The following SEC14L1 variants were observed in gnomAD, a reference collection of about 807,000 sequenced individuals.
The protein encoded by SEC14L1 is SEC14 like lipid binding 1.
Under a neutral mutation model 85.3 loss-of-function variants are expected in SEC14L1, and 48 were observed. The ratio of observed to expected loss-of-function variants is 0.56; its 90% confidence interval spans 0.45 to 0.72. The LOEUF is 0.72. Among genes scored for constraint, SEC14L1 ranks in the 30% least tolerant of loss-of-function variants. The pLI is 0.00. For missense variants in SEC14L1, 682 were observed against 921.4 expected (o/e 0.74, Z 3.36); for synonymous variants, 391 against 355.5 (o/e 1.10, Z -1.12).
chr17:77,152,850 T>C (rs542240936), intron 3 of SEC14L1, among the ~76,000 whole-genome samples: 124 of 152,348 alleles, frequency 8.1e-4, no homozygotes, highest in African/African-American at 2.9e-3. Flanking sequence ...TATTTGGTTA[T>C]TATGTTTCTT....
intron 3 of SEC14L1, among the ~76,000 whole-genome samples, chr17:77,132,412 G>A (rs1204225189): frequency 1.1e-4 from 16 of 151,912 alleles, no homozygotes; most frequent in Non-Finnish European, 1.5e-5. Context: ...TAGTGGAGAC[G>A]GGGTTTCACC....
intron 2 of SEC14L1, chr17:77,089,376 C>G (rs1329014285): frequency 3.9e-6 from 2 of 518,960 alleles, no homozygotes; most frequent in South Asian, 1.4e-5. Flanking sequence ...ACCAGGCAGC[C>G]CAACCCTGAC....
chr17:77,204,201 C>T (rs997999429), intron 10 of SEC14L1, among the ~76,000 whole-genome samples: 3 of 150,038 alleles, frequency 2.0e-5, no homozygotes, highest in African/African-American at 7.3e-5. Context: ...TCCTGAAATA[C>T]GCATTTTTGG....
intron 3 of SEC14L1, chr17:77,152,766 G>A (rs1030504816): frequency 6.6e-6 from 1 of 152,140 alleles, no homozygotes; most frequent in Non-Finnish European, 1.5e-5. Flanking sequence ...CACAGTTCAC[G>A]TTCATGTTTT....
At position 77,194,754 on chromosome 17, in the gene SEC14L1, T is replaced by C; in HGVS notation, c.552T>C (p.Pro184=). ...CCTTTGTGCCCCGTTGGAGTCCGCC[T>C]TCCATCACGACCTCTTCAGAGACAT... ...GITFVPRWSP[P]SITTSSETSS... is the part of the protein sequence containing the mutation. The change falls in exon 7 of 17, where the codon CCT becomes CCC. Residue 184 remains proline (P), a synonymous_variant. Coordinates refer to ENST00000436233, the MANE Select transcript of SEC14L1 (RefSeq NM_001143998.2). 6.2e-7 allele frequency: 1 copy of C among 1,614,232 alleles called. No individual in the cohort carries two copies. Among genetic ancestry groups the C allele is most frequent in the Non-Finnish European group, 8.5e-7 (1 of 1,180,028 alleles).
Position 77,091,586 on chromosome 17 carries a change from T to G in SEC14L1, c.-239-1658T>G, listed in dbSNP as rs140949942. Among the ~76,000 whole-genome samples the G allele has an allele frequency of 3.2e-4, 49 of 152,308 alleles. No individual in the cohort carries two copies. In the East Asian group the frequency reaches 8.1e-3, roughly 25 times the overall value. On this transcript the variant is annotated intron_variant, in intron 2 of 19. Transcript: ENST00000392476. Reference sequence around the variant, plus strand: ...AGCATTTGGTGACTGTGAGTCCACATTTTTTATTTTAACTGTAAATAGTCA... The same window carrying G: ...AGCATTTGGTGACTGTGAGTCCACAGTTTTTATTTTAACTGTAAATAGTCA...
chr17:77,142,854 A>G (rs927439379), intron 2 of SEC14L1, 104 bp downstream of exon 2: 7 of 152,226 alleles, frequency 4.6e-5, no homozygotes, highest in African/African-American at 1.4e-4. Context: ...GCGCTAGAGA[A>G]TGATTATGCA....
At chr17:77,207,485 T>G (rs1000987716) in intron 13 of SEC14L1, among the ~76,000 whole-genome samples, 1 of 152,040 alleles carries the variant, frequency 6.6e-6, no homozygotes, top group African/African-American at 2.4e-5. Flanking sequence ...GGAGTCTTGC[T>G]CTGTTGCACA....
intron 3 of SEC14L1, among the ~76,000 whole-genome samples, chr17:77,117,410 G>A (rs1033042481): frequency 2.0e-5 from 3 of 152,158 alleles, no homozygotes; most frequent in Non-Finnish European, 2.9e-5. Context: ...CAGAGGCACC[G>A]TTGGGGTGCA....
chr17:77,207,727 C>G (rs1426555275), intron 13 of SEC14L1, among the ~76,000 whole-genome samples: 3 of 152,188 alleles, frequency 2.0e-5, no homozygotes, highest in African/African-American at 7.2e-5. Flanking sequence ...GCCGGGATTA[C>G]AGGCATGAGC....
chr17:77,209,754 A>G (rs1976654951), intron 14 of SEC14L1: 2 of 313,164 alleles, frequency 6.4e-6, no homozygotes, highest in South Asian at 7.0e-5. Context: ...AAACACAGAG[A>G]TAGGAATAGC....
chr17:77,192,727 A>G (rs999948303), intron 5 of SEC14L1, among the ~76,000 whole-genome samples: 20 of 151,558 alleles, frequency 1.3e-4, no homozygotes, highest in Non-Finnish European at 2.1e-4. Flanking sequence ...CAGTGGAACA[A>G]TCAGTTCACT....
At chr17:77,091,233 G>A (rs948368286) in intron 2 of SEC14L1, among the ~76,000 whole-genome samples, 5 of 151,972 alleles carry the variant, frequency 3.3e-5, no homozygotes, top group South Asian at 4.2e-4. Context: ...GATTACAGGC[G>A]CACGCCACCA....
At chr17:77,193,808 A>C (rs1975661558) in intron 6 of SEC14L1, among the ~76,000 whole-genome samples, 1 of 152,144 alleles carries the variant, frequency 6.6e-6, no homozygotes, top group African/African-American at 2.4e-5. Flanking sequence ...AGTTGGGGAG[A>C]GGCAGCAGCA....
chr17:77,164,010 C>T (rs1055139160), intron 3 of SEC14L1, among the ~76,000 whole-genome samples: 1 of 152,246 alleles, frequency 6.6e-6, no homozygotes, highest in African/African-American at 2.4e-5. Context: ...GAACATATAA[C>T]AGGTCTAAGA....
chr17:77,194,761 A>ATC lies in SEC14L1; in HGVS notation c.559_560insTC (p.Thr187IlefsTer32). On this transcript the variant is annotated frameshift_variant, in exon 7 of 17. Coordinates refer to ENST00000436233, the MANE Select transcript of SEC14L1 (RefSeq NM_001143998.2). LOFTEE classifies it high-confidence loss of function. ...GCCCCGTTGGAGTCCGCCTTCCATC[A>ATC]CGACCTCTTCAGAGACATCTTCATC... 6.2e-7 allele frequency: 1 copy of ATC among 1,614,200 alleles called. No individual in the cohort carries two copies. Among genetic ancestry groups the ATC allele is most frequent in the Non-Finnish European group, 8.5e-7 (1 of 1,180,026 alleles).
chr17:77,120,605 T>A (rs2018897613), intron 3 of SEC14L1, among the ~76,000 whole-genome samples: 1 of 152,182 alleles, frequency 6.6e-6, no homozygotes, highest in African/African-American at 2.4e-5. Flanking sequence ...GCCTCCCAAG[T>A]AGCTGGGATT....
At position 77,096,427 on chromosome 17, in the gene SEC14L1, C is replaced by T. The variant is rs146030609; in HGVS notation, c.-136+3080C>T. On this transcript the variant is annotated intron_variant, in intron 3 of 19. Coordinates refer to the SEC14L1 transcript ENST00000392476. ...CAAAAATTAGCCAGGCGTTATGTTGCGTACCTATAATCCCAGCTACTCGGG... is the reference window on the plus strand; with the variant it reads ...CAAAAATTAGCCAGGCGTTATGTTGTGTACCTATAATCCCAGCTACTCGGG... Among the ~76,000 whole-genome samples the T allele has an allele frequency of 3.8e-3, 570 of 151,550 alleles. 5 individuals are homozygous for T. Among genetic ancestry groups the T allele is most frequent in the African/African-American group, 0.013 (538 of 41,306 alleles).
At chr17:77,116,215 C>T (rs1012202342) in intron 3 of SEC14L1, among the ~76,000 whole-genome samples, 6 of 152,168 alleles carry the variant, frequency 3.9e-5, no homozygotes, top group South Asian at 2.1e-4. Context: ...CCACCACACC[C>T]GGCTGACATA....
Sources: gnomAD v4.1 joint callset for allele counts (sites outside exome capture counted in the v4.1 genomes callset) on GRCh38, gnomAD v4.1.1 for gene constraint, MANE v1.5 for transcripts, NCBI Gene and HGNC (gene_info 2026-07-23, HGNC 2026-07-21) for gene names.